DLD: variants seen among roughly 807,000 people sequenced by gnomAD.
DLD encodes the protein dihydrolipoamide dehydrogenase.
DLD carries 36 observed loss-of-function variants against 62.2 expected under a neutral mutation model. The observed-to-expected ratio is 0.58, with a 90% CI of 0.44 to 0.76. The LOEUF (loss-of-function observed/expected upper bound fraction) is 0.76. Among genes scored for constraint, DLD ranks in the 30% least tolerant of loss-of-function variants. DLD has a pLI of 0.00. For synonymous variants in DLD, 204 were observed against 199.6 expected, an observed-to-expected ratio of 1.02 and a Z score of -0.19; for missense variants, 541 against 608.6, an observed-to-expected ratio of 0.89 and a Z score of 1.17.
rs540679098 is a variant in DLD, at chr7:107,908,471, T to C, written c.684+2103T>C. Among the ~76,000 whole-genome samples the C allele has an allele frequency of 1.6e-3, 245 of 152,054 alleles. 4 individuals carry two copies. Among genetic ancestry groups the C allele is most frequent in the Non-Finnish European group, 1.9e-3 (132 of 67,968 alleles). Reference sequence around the variant, plus strand: ...TTGCTTAAGCCCAAGAGTTTGAGACTAGCCTGGGCAACAATGTGAGAACTT... The same window carrying C: ...TTGCTTAAGCCCAAGAGTTTGAGACCAGCCTGGGCAACAATGTGAGAACTT... On this transcript the variant is annotated intron_variant, in intron 8 of 13. Transcript: ENST00000205402.
chr7:107,897,287 A>T (rs531915154), intron 2 of DLD, among the ~76,000 whole-genome samples: 1 of 152,214 alleles, frequency 6.6e-6, no homozygotes, highest in East Asian at 1.9e-4. Context: ...TGTCCTGGAG[A>T]TTATGGGATC....
At chr7:107,898,270 C>CTTTTTTTTTTTTTTTTTTTTTTTTTTTT in intron 2 of DLD, among the ~76,000 whole-genome samples, 1 of 65,572 alleles carries the variant, frequency 1.5e-5, no homozygotes, top group Non-Finnish European at 2.7e-5. Context: ...TTTCTGTATC[C>CTTTTTTTTTTTTTTTTTTTTTTTTTTTT]TTTTTTTTTT....
intron 2 of DLD, among the ~76,000 whole-genome samples, chr7:107,897,981 T>TA (rs2116187365): frequency 6.6e-6 from 1 of 152,310 alleles, no homozygotes; most frequent in East Asian, 1.9e-4. Flanking sequence ...AATGATCTAA[T>TA]ATGTAACACT....
chr7:107,893,432 G>C (rs1186057706), intron 2 of DLD, 154 bp downstream of exon 2: 7 of 602,424 alleles, frequency 1.2e-5, no homozygotes, highest in Non-Finnish European at 5.6e-6. Flanking sequence ...TATTGAGCTA[G>C]TGTGTTCCAG....
intron 4 of DLD, among the ~76,000 whole-genome samples, chr7:107,903,121 G>A (rs1281607055): frequency 2.6e-5 from 4 of 152,072 alleles, no homozygotes; most frequent in African/African-American, 9.7e-5. Context: ...AATATCGGCC[G>A]GGCGCGGTGG....
chr7:107,906,459 C>T lies in DLD; in HGVS notation c.684+91C>T, dbSNP rs1362923876. On this transcript the variant is annotated intron_variant, in intron 8 of 13. Transcript: ENST00000205402. Reference sequence around the variant, plus strand: ...TTGATTTTTTGTATAACATTACAGGCTGATCAGCATTGAGTTTTGCTTAAA... The same window carrying T: ...TTGATTTTTTGTATAACATTACAGGTTGATCAGCATTGAGTTTTGCTTAAA... The T allele has an allele frequency of 3.7e-6, 3 of 813,020 alleles. No individual in the cohort carries two copies. In the Admixed American group the frequency reaches 5.5e-5, roughly 15 times the overall value. The allele number at this position is 813,020 out of a possible 1,614,324, so 50.4% of individuals were successfully genotyped here. A position where few individuals can be genotyped will look rare whatever the true frequency, so the allele number is the denominator to read the frequency against.
intron 12 of DLD, 141 bp from the exon 13 acceptor site, chr7:107,918,869 T>G: frequency 1.3e-6 from 1 of 753,088 alleles, no homozygotes; most frequent in Non-Finnish European, 2.3e-6. Context: ...TCTATTAAGC[T>G]TTTCCTGACT....
chr7:107,918,107 G>A (rs1179001338), intron 12 of DLD, 46 bp downstream of exon 12: 2 of 1,610,922 alleles, frequency 1.2e-6, no homozygotes, highest in South Asian at 2.2e-5. Context: ...TTTCTAGAAA[G>A]CATTGCTGTT....
intron 7 of DLD, 167 bp downstream of exon 7, chr7:107,905,671 AC>A: frequency 1.4e-6 from 1 of 709,756 alleles, no homozygotes; most frequent in Non-Finnish European, 2.4e-6. Context: ...AGTGATTCTG[AC>A]CAGCTATAGA....
chr7:107,905,654 A>T, intron 7 of DLD, 150 bp downstream of exon 7: 1 of 798,108 alleles, frequency 1.3e-6, no homozygotes. Flanking sequence ...ACCTGTCTTT[A>T]TTCTGCAGTG....
rs759170630 is a variant in DLD, at chr7:107,915,485, GTTT to G, written c.685-16_685-14del. 4 of 1,612,608 alleles carry G rather than the reference GTTT, an allele frequency of 2.5e-6. No individual in the cohort carries two copies. The highest frequency in any genetic ancestry group is 3.4e-6 in the Non-Finnish European group (4 of 1,179,068). ...CTATAGAAACTTTTATGATTATTGG[GTTT>G]TTTTAATTTATTTGCAGGGTTCAGT... is the stretch of plus-strand genomic sequence containing the variant. On this transcript the variant is annotated intron_variant, in intron 8 of 13. Coordinates refer to ENST00000205402, the MANE Select transcript of DLD (RefSeq NM_000108.5).
intron 5 of DLD, chr7:107,903,753 C>A (rs2031935774): frequency 2.2e-6 from 1 of 447,606 alleles, no homozygotes; most frequent in Non-Finnish European, 4.1e-6. Flanking sequence ...CAAGCCTAAC[C>A]CTGCAAATCC....
chr7:107,910,806 T>G (rs2032121625), intron 8 of DLD, among the ~76,000 whole-genome samples: 1 of 152,174 alleles, frequency 6.6e-6, no homozygotes, highest in Admixed American at 6.5e-5. Flanking sequence ...TTCCTATCTA[T>G]AAGTATTTTG....
chr7:107,891,159 T>A (rs889118839), upstream of DLD: 5 of 1,509,944 alleles, frequency 3.3e-6, no homozygotes, highest in African/African-American at 1.4e-5. Context: ...AGGCTGCGCC[T>A]GTGCATGCGC....
At chr7:107,891,464 T>G in intron 1 of DLD, 175 bp downstream of exon 1, 1 of 713,132 alleles carries the variant, frequency 1.4e-6, no homozygotes, top group East Asian at 2.7e-5. Flanking sequence ...AGGTGGCCGC[T>G]CATCCTGCAG....
chr7:107,894,827 TTGAG>T (rs1426566913), intron 2 of DLD, among the ~76,000 whole-genome samples: 1 of 152,202 alleles, frequency 6.6e-6, no homozygotes, highest in Admixed American at 6.5e-5. Flanking sequence ...TGTAAAAGCT[TTGAG>T]TGGATGCAGT....
intron 2 of DLD, among the ~76,000 whole-genome samples, chr7:107,900,755 C>T (rs1156348032): frequency 6.6e-6 from 1 of 152,050 alleles, no homozygotes; most frequent in Non-Finnish European, 1.5e-5. Context: ...TTTATGACAT[C>T]TTTATCTTCC....
upstream of DLD, chr7:107,891,155 C>A (rs2031555782): frequency 1.3e-5 from 19 of 1,474,984 alleles, no homozygotes; most frequent in South Asian, 2.1e-4. Flanking sequence ...ACGTAGGCTG[C>A]GCCTGTGCAT....
chr7:107,905,174 C>A, intron 6 of DLD, 116 bp downstream of exon 6: 1 of 1,040,264 alleles, frequency 9.6e-7, no homozygotes, highest in Non-Finnish European at 1.4e-6. Flanking sequence ...TTTAAAATAG[C>A]TTGCTAACCT....
Sources: allele counts gnomAD v4.1 joint callset (sites outside exome capture counted in the v4.1 genomes callset), GRCh38; gene constraint gnomAD v4.1.1; transcripts MANE v1.5; gene names NCBI Gene and HGNC (gene_info 2026-07-23, HGNC 2026-07-21).